MEGF11: variants seen among roughly 807,000 people sequenced by gnomAD.
MEGF11 encodes the protein multiple EGF like domains 11.
In MEGF11, 126 loss-of-function variants were observed where a neutral mutation model predicts 146.6. The ratio of observed to expected loss-of-function variants is 0.86; its 90% CI spans 0.74 to 1.00. MEGF11 has a LOEUF of 1.00. Ranked by LOEUF, MEGF11 falls within the 50% of genes least tolerant of loss-of-function variation. The pLI is 0.00. For missense variants in MEGF11, 1,509 were observed against 1,521.2 expected (o/e 0.99, Z 0.13); for synonymous variants, 532 against 583.4 (o/e 0.91, Z 1.27).
chr15:65,935,095 C>T (rs1283936295), intron 10 of MEGF11, among the ~76,000 whole-genome samples: 2 of 151,774 alleles, frequency 1.3e-5, no homozygotes, highest in Non-Finnish European at 2.9e-5. Flanking sequence ...TTGAGGCAGG[C>T]GGATCACGAT....
In MEGF11 at chr15:66,073,052, G is replaced by T. The variant is rs183233645; in HGVS notation, c.394+21350C>A. On this transcript the variant is annotated intron_variant, in intron 5 of 25. Transcript: ENST00000395614. Reference sequence around the variant, plus strand: ...TATTCAGATTTACTAGGAAGGGAATGAGTCAGAGGAGGATTTAGGGGCTGG... The same window carrying T: ...TATTCAGATTTACTAGGAAGGGAATTAGTCAGAGGAGGATTTAGGGGCTGG... Among the ~76,000 whole-genome samples the T allele has an allele frequency of 2.0e-5, 3 of 152,340 alleles. No homozygotes were observed. In the East Asian group the frequency reaches 5.8e-4, roughly 29 times the overall value.
At chr15:65,913,075 G>GC (rs2078867072) in intron 20 of MEGF11, among the ~76,000 whole-genome samples, 1 of 152,276 alleles carries the variant, frequency 6.6e-6, no homozygotes, top group African/African-American at 2.4e-5. Flanking sequence ...TATTTCCAAG[G>GC]CAGCAGTCCA....
Position 66,016,479 on chromosome 15 carries a change from GTTTTTTTTTTT to G in MEGF11, c.395-34002_395-33992del, listed in dbSNP as rs58588643. On this transcript the variant is annotated intron_variant, in intron 5 of 25. Coordinates refer to ENST00000395614, the MANE Select transcript of MEGF11 (RefSeq NM_001385028.1). ...AAAGACTCTGCTTTCCATCCATTCAGTTTTTTTTTTTTTTTTTTTTGGAAGCAAGGAGTTAA... is the reference window on the plus strand; with the variant it reads ...AAAGACTCTGCTTTCCATCCATTCAGTTTTTTTTTGGAAGCAAGGAGTTAA... Among the ~76,000 whole-genome samples, 6 of 127,698 alleles carry G rather than the reference GTTTTTTTTTTT, an allele frequency of 4.7e-5. No homozygotes were observed. In the East Asian group the frequency reaches 1.4e-3, roughly 29 times the overall value. 83.8% of individuals were successfully genotyped at this position (127,698 alleles called of 152,430 possible).
Position 65,980,868 on chromosome 15 carries a change from A to C in MEGF11, c.672T>G (p.His224Gln). The C allele has an allele frequency of 1.3e-6, 2 of 1,593,848 alleles. No homozygotes were observed. Among genetic ancestry groups the C allele is most frequent in the Non-Finnish European group, 8.5e-7 (1 of 1,170,872 alleles). ...YCEELCPPGS[H>Q]GAHCELRCPC... Reference sequence around the variant, plus strand: ...GGCAGCGCAGCTCACAGTGAGCTCCATGGCTCCCAGGAGGGCACAGCTCCT... The same window carrying C: ...GGCAGCGCAGCTCACAGTGAGCTCCCTGGCTCCCAGGAGGGCACAGCTCCT... Residue 224 changes from histidine to glutamine, a missense_variant, in exon 7 of 26, where the codon CAT (histidine) becomes CAG (glutamine). By Grantham distance (24) the His-to-Gln change is conservative. Transcript: ENST00000395614.
rs779431870 is a variant in MEGF11, at chr15:65,898,185, A to G, written c.3263-91T>C. The G allele has an allele frequency of 2.0e-5, 30 of 1,486,764 alleles. No homozygotes were observed. The Admixed American group carries it at 4.7e-4, about 23-fold the overall frequency. The allele number at this position is 1,486,764 out of a possible 1,614,324, so 92.1% of individuals were successfully genotyped here. On this transcript the variant is annotated intron_variant, in intron 25 of 25. Transcript: ENST00000395614. ...AGAGAGTTCTACTTAACTTGGGGAA[A>G]GGAGCCAGGGATTTATAAATCTATG...
chr15:66,043,786 G>A (rs1489403591), intron 5 of MEGF11, among the ~76,000 whole-genome samples: 1 of 152,206 alleles, frequency 6.6e-6, no homozygotes, highest in African/African-American at 2.4e-5. Context: ...CTGGGGAATT[G>A]AAGATGAAAA....
At chr15:66,173,506 GGGGTTTCACCATGTT>G (rs1214630953) in intron 1 of MEGF11, among the ~76,000 whole-genome samples, 1 of 152,002 alleles carries the variant, frequency 6.6e-6, no homozygotes. Flanking sequence ...TAGTAGAGAT[GGGGTTTCACCATGTT>G]GGCCAGGCTG....
rs2089137187 is a variant in MEGF11, at chr15:66,141,236, GTGTGTGTGTGTGTGTGTGTGTGT to G, written c.-8-12848_-8-12826del. On this transcript the variant is annotated intron_variant, in intron 1 of 25. Coordinates refer to ENST00000395614, the MANE Select transcript of MEGF11 (RefSeq NM_001385028.1). Reference sequence around the variant, plus strand: ...GTCTCTGTCCTGCAGACTCAGGGGTGTGTGTGTGTGTGTGTGTGTGTGTGTGTGTGTGTGTGTGTGTGTGTGTG... The same window carrying G: ...GTCTCTGTCCTGCAGACTCAGGGGTGGTGTGTGTGTGTGTGTGTGTGTGTG... Among the ~76,000 whole-genome samples the G allele has an allele frequency of 1.5e-4, 9 of 58,354 alleles. 1 individual carries two copies. Among genetic ancestry groups the G allele is most frequent in the Non-Finnish European group, 2.3e-4 (7 of 30,414 alleles). 38.3% of individuals were successfully genotyped at this position (58,354 alleles called of 152,430 possible). A position where few individuals can be genotyped will look rare whatever the true frequency, so the allele number is the denominator to read the frequency against.
At chr15:65,964,336 G>C (rs1214232860) in intron 9 of MEGF11, among the ~76,000 whole-genome samples, 2 of 152,218 alleles carry the variant, frequency 1.3e-5, no homozygotes, top group African/African-American at 4.8e-5. Context: ...CTGATAAAGG[G>C]CTGCCCCTGT....
intron 4 of MEGF11, among the ~76,000 whole-genome samples, chr15:66,098,560 G>T (rs2086649500): frequency 6.6e-6 from 1 of 152,194 alleles, no homozygotes. Context: ...AAGGCTGGGA[G>T]GTCAGGGAAA....
chr15:65,969,199 A>G (rs539031876), intron 8 of MEGF11, among the ~76,000 whole-genome samples: 7 of 152,328 alleles, frequency 4.6e-5, no homozygotes, highest in Non-Finnish European at 8.8e-5. Flanking sequence ...GTCTACTGGT[A>G]TGGAGTCCAG....
At chr15:66,252,283 G>A (rs1049185272) in intron 1 of MEGF11, among the ~76,000 whole-genome samples, 23 of 148,386 alleles carry the variant, frequency 1.6e-4, no homozygotes, top group Non-Finnish European at 2.2e-4. Context: ...CTGGCAGAGC[G>A]CCGGAGGGGC....
intron 5 of MEGF11, among the ~76,000 whole-genome samples, chr15:65,983,924 T>C (rs2081750574): frequency 6.6e-6 from 1 of 152,156 alleles, no homozygotes; most frequent in African/African-American, 2.4e-5. Flanking sequence ...CTTTGGGGGC[T>C]GAAGGTTGGT....
At chr15:65,930,726 G>A in intron 11 of MEGF11, 97 bp downstream of exon 11, 1 of 1,417,492 alleles carries the variant, frequency 7.1e-7, no homozygotes, top group Admixed American at 2.4e-5. Flanking sequence ...TGGGGGCGGG[G>A]GTTGGGGCAG....
intron 5 of MEGF11, among the ~76,000 whole-genome samples, chr15:66,006,058 T>G (rs2082510907): frequency 6.6e-6 from 1 of 152,236 alleles, no homozygotes; most frequent in Admixed American, 6.5e-5. Context: ...TATTTAATCT[T>G]TCTAAGCCTC....
chr15:65,970,774 G>C, intron 7 of MEGF11, 85 bp from the exon 8 acceptor site: 1 of 1,465,252 alleles, frequency 6.8e-7, no homozygotes, highest in South Asian at 1.3e-5. Context: ...TGTGGCTCCA[G>C]GGACCACCCA....
At position 66,058,336 on chromosome 15, in the gene MEGF11, C is replaced by G. The variant is rs528892229; in HGVS notation, c.394+36066G>C. Among the ~76,000 whole-genome samples the G allele has an allele frequency of 8.5e-5, 13 of 152,214 alleles. No homozygotes were observed. The South Asian group carries it at 2.7e-3, about 32-fold the overall frequency. The stretch of plus-strand genomic sequence containing the variant: ...TGTTTTAACTACCATTTCCATCAAG[C>G]CTGGAAGTTTGAAATGCGGCACTAA... On this transcript the variant is annotated intron_variant, in intron 5 of 25. Coordinates refer to ENST00000395614, the MANE Select transcript of MEGF11 (RefSeq NM_001385028.1).
intron 1 of MEGF11, among the ~76,000 whole-genome samples, chr15:66,205,642 C>A (rs2091280921): frequency 6.6e-6 from 1 of 152,200 alleles, no homozygotes; most frequent in South Asian, 2.1e-4. Context: ...AAACTGCCCC[C>A]TGCAGTGTCA....
chr15:66,197,556 G>C (rs2091040168), intron 1 of MEGF11, among the ~76,000 whole-genome samples: 1 of 152,142 alleles, frequency 6.6e-6, no homozygotes, highest in Non-Finnish European at 1.5e-5. Context: ...CTGAATAGCT[G>C]GGACTACAGG....
Sources: allele counts gnomAD v4.1 joint callset (sites outside exome capture counted in the v4.1 genomes callset), GRCh38; gene constraint gnomAD v4.1.1; transcripts MANE v1.5; gene names NCBI Gene and HGNC (gene_info 2026-07-23, HGNC 2026-07-21).